ADAM17: variants seen among roughly 807,000 people sequenced by gnomAD.
ADAM17 encodes the protein disintegrin and metalloproteinase domain-containing protein 17.
In ADAM17, 39 loss-of-function variants were observed where a neutral mutation model predicts 96.7. That is an observed-to-expected ratio of 0.40 (90% CI 0.31 to 0.53). The LOEUF (loss-of-function observed/expected upper bound fraction) is 0.53. Among genes scored for constraint, ADAM17 ranks in the 20% least tolerant of loss-of-function variants. The pLI is 0.44. For missense variants in ADAM17, 777 were observed against 1,013.2 expected, an observed-to-expected ratio of 0.77 and a Z score of 3.17; for synonymous variants, 344 against 359.2, an observed-to-expected ratio of 0.96 and a Z score of 0.48.
intron 7 of ADAM17, chr2:9,522,301 C>T (rs1664348515): frequency 1.7e-5 from 8 of 482,542 alleles, no homozygotes; most frequent in South Asian, 4.2e-5. Context: ...CTGCATACGA[C>T]ATCTCTAGAA....
chr2:9,509,713 A>C (rs1362602596), intron 11 of ADAM17, among the ~76,000 whole-genome samples: 20 of 152,208 alleles, frequency 1.3e-4, no homozygotes, highest in Admixed American at 1.3e-3. Context: ...AGAACTCCAA[A>C]AAAAGCCATT....
At chr2:9,510,271 C>T in intron 10 of ADAM17, 140 bp from the exon 11 acceptor site, 1 of 969,338 alleles carries the variant, frequency 1.0e-6, no homozygotes, top group Non-Finnish European at 1.5e-6. Flanking sequence ...ATAATACCAG[C>T]ACTTTAGGAG....
At chr2:9,534,738 T>C (rs932592981) in intron 4 of ADAM17, among the ~76,000 whole-genome samples, 3 of 152,226 alleles carry the variant, frequency 2.0e-5, no homozygotes, top group Admixed American at 2.0e-4. Context: ...AGGATGTCTG[T>C]CAAAATGTCA....
rs994263495 is a variant in ADAM17 at position 9,523,319 on chromosome 2, A to G, written c.773T>C (p.Val258Ala). The change falls in exon 7 of 19, where the codon GTT (valine) becomes GCT (alanine). Residue 258 changes from valine to alanine, a missense_variant. Val to Ala is a moderately conservative substitution (Grantham distance 64). Around this residue, in one of 3 missense-constraint regions of ADAM17, gnomAD observed 446 missense variants for 664.7 expected, o/e 0.67. Coordinates refer to ENST00000310823, the MANE Select transcript of ADAM17 (RefSeq NM_003183.6). ...TGAAGTGTTCCGATAGATGTCATCA[A>G]CTCTGTCAATTAGCTCTATCTGTGT... is the stretch of plus-strand genomic sequence containing the variant. ...TNYLIELIDR[V>A]DDIYRNTSWD... The G allele has an allele frequency of 1.1e-5, 17 of 1,612,494 alleles. No individual in the cohort carries two copies. Among genetic ancestry groups the G allele is most frequent in the Non-Finnish European group, 1.2e-5 (14 of 1,179,146 alleles).
At chr2:9,494,533 G>T in intron 15 of ADAM17, 104 bp downstream of exon 15, 3 of 1,341,318 alleles carry the variant, frequency 2.2e-6, no homozygotes, top group South Asian at 1.3e-5. Context: ...GAAGGATGTA[G>T]CCCCACTTGT....
chr2:9,532,609 C>G (rs1664793307), intron 4 of ADAM17, among the ~76,000 whole-genome samples: 1 of 151,594 alleles, frequency 6.6e-6, no homozygotes, highest in Non-Finnish European at 1.5e-5. Flanking sequence ...GTAGCTGAGA[C>G]CACAGGCATG....
chr2:9,520,824 C>T (rs749692415), intron 8 of ADAM17, among the ~76,000 whole-genome samples: 14 of 151,522 alleles, frequency 9.2e-5, no homozygotes, highest in South Asian at 2.1e-4. Flanking sequence ...ATTAGCCGGC[C>T]GTGGTGGTGC....
chr2:9,523,076 C>T (rs1664374956), intron 7 of ADAM17, among the ~76,000 whole-genome samples, 173 bp downstream of exon 7: 1 of 152,160 alleles, frequency 6.6e-6, no homozygotes, highest in Non-Finnish European at 1.5e-5. Flanking sequence ...ACTTCACAAT[C>T]TAGAACTAAT....
intron 6 of ADAM17, among the ~76,000 whole-genome samples, chr2:9,524,143 C>T (rs550413252): frequency 6.6e-6 from 1 of 151,818 alleles, no homozygotes; most frequent in African/African-American, 2.4e-5. Context: ...TGTTAATCAA[C>T]TTATTTTATT....
In ADAM17 at chr2:9,555,665, G is replaced by A; in HGVS notation, c.-60C>T. On this transcript the variant is annotated 5_prime_UTR_variant, in exon 1 of 19. Coordinates refer to ENST00000310823, the MANE Select transcript of ADAM17 (RefSeq NM_003183.6). Reference sequence around the variant, plus strand: ...GCAGCCTTCGCCTGACGGGGTTTCGGAAAACTGCTCACATCGGGGGAGGAC... The same window carrying A: ...GCAGCCTTCGCCTGACGGGGTTTCGAAAAACTGCTCACATCGGGGGAGGAC... 7.1e-7 allele frequency: 1 copy of A among 1,405,340 alleles called. No homozygotes were observed. The highest frequency in any genetic ancestry group is 9.6e-7 in the Non-Finnish European group (1 of 1,039,298). The allele number at this position is 1,405,340 out of a possible 1,614,324, so 87.1% of individuals were successfully genotyped here. A position where few individuals can be genotyped will look rare whatever the true frequency, so the allele number is the denominator to read the frequency against.
intron 4 of ADAM17, among the ~76,000 whole-genome samples, chr2:9,529,279 G>A (rs984095376): frequency 2.6e-5 from 4 of 151,894 alleles, no homozygotes; most frequent in African/African-American, 9.7e-5. Flanking sequence ...GTGAAACCCC[G>A]ACTCTAGTAA....
Position 9,490,052 on chromosome 2 carries a change from C to T in ADAM17, c.*125G>A. 1 of 930,572 alleles carries T rather than the reference C, an allele frequency of 1.1e-6. No individual in the cohort carries two copies. Among genetic ancestry groups the T allele is most frequent in the South Asian group, 1.9e-5 (1 of 53,712 alleles). The allele number at this position is 930,572 out of a possible 1,614,324, so 57.6% of individuals were successfully genotyped here. On this transcript the variant is annotated 3_prime_UTR_variant, in exon 19 of 19. Coordinates refer to ENST00000310823, the MANE Select transcript of ADAM17 (RefSeq NM_003183.6). ...AAGAACTGTTTACCTGCAGGAAGTT[C>T]AAACACATGACCAGCATCTGCTAAG...
chr2:9,534,458 C>T (rs1196249243), intron 4 of ADAM17, among the ~76,000 whole-genome samples: 3 of 152,078 alleles, frequency 2.0e-5, no homozygotes, highest in Non-Finnish European at 2.9e-5. Context: ...TCGCCTGAAC[C>T]GGGGAGGCAG....
intron 4 of ADAM17, 88 bp from the exon 5 acceptor site, chr2:9,528,042 G>A: frequency 1.1e-6 from 1 of 916,914 alleles, no homozygotes; most frequent in Non-Finnish European, 1.5e-6. Context: ...CTTGTTCTTA[G>A]ATAACATTCA....
At chr2:9,547,860 G>A (rs942256132) in intron 1 of ADAM17, among the ~76,000 whole-genome samples, 2 of 151,922 alleles carry the variant, frequency 1.3e-5, no homozygotes, top group Admixed American at 1.3e-4. Flanking sequence ...AGACAAGCTT[G>A]GGCAACACAG....
chr2:9,510,538 C>A (rs1183554036), intron 10 of ADAM17, among the ~76,000 whole-genome samples: 1 of 152,174 alleles, frequency 6.6e-6, no homozygotes, highest in East Asian at 1.9e-4. Context: ...GAGGCACGCG[C>A]CTGTAATCTC....
intron 15 of ADAM17, 72 bp from the exon 16 acceptor site, chr2:9,493,897 AAAT>A: frequency 7.6e-7 from 1 of 1,320,026 alleles, no homozygotes; most frequent in Non-Finnish European, 1.1e-6. Flanking sequence ...AGCTTTATAA[AAAT>A]AACTGACATG....
chr2:9,491,626 T>C (rs543548998), intron 17 of ADAM17, among the ~76,000 whole-genome samples: 2 of 152,208 alleles, frequency 1.3e-5, no homozygotes, highest in African/African-American at 2.4e-5. Context: ...CTGTGGACCA[T>C]GCTCTGCTGG....
At chr2:9,529,495 T>C (rs1664654447) in intron 4 of ADAM17, among the ~76,000 whole-genome samples, 2 of 152,016 alleles carry the variant, frequency 1.3e-5, no homozygotes, top group African/African-American at 4.8e-5. Context: ...ACATGTTATG[T>C]AATTCCATTT....
Sources: gnomAD v4.1 joint callset for allele counts (sites outside exome capture counted in the v4.1 genomes callset) on GRCh38, gnomAD v4.1.1 for gene constraint, gnomAD v4.1.1 regional missense constraint, MANE v1.5 for transcripts, NCBI Gene and HGNC (gene_info 2026-07-23, HGNC 2026-07-21) for gene names.